Variants in FGF13 observed in about 807,000 individuals in gnomAD.
FGF13 encodes fibroblast growth factor 13.
A neutral mutation model predicts 19.5 loss-of-function variants in FGF13; 2 were observed. The observed-to-expected ratio is 0.10, with a 90% confidence interval of 0.04 to 0.32. The LOEUF (loss-of-function observed/expected upper bound fraction) is 0.32, where lower values mean the gene tolerates loss of function less well. FGF13 is among the 10% of genes least tolerant of loss of function. The probability of loss-of-function intolerance (pLI) is 1.00; values close to 1 mark genes in which losing one functional copy is unlikely to be tolerated. For missense variants in FGF13, 113 were observed against 192.7 expected (o/e 0.59, Z 2.45); for synonymous variants, 72 against 76.9 (o/e 0.94, Z 0.33).
At chrX:138,655,964 A>C (rs189520469) in intron 3 of FGF13, among the ~76,000 whole-genome samples, 226 of 111,978 alleles carry the variant, frequency 2.0e-3, no homozygotes, top group Admixed American at 5.4e-3. Flanking sequence ...TCATTCATTA[A>C]TTCAATAAAC....
intron 1 of FGF13, among the ~76,000 whole-genome samples, chrX:139,150,028 C>T (rs17002006): frequency 0.099 from 11,029 of 111,468 alleles, 1,069 homozygotes; most frequent in African/African-American, 0.3. Flanking sequence ...AACTTCCATT[C>T]TCCTACTTTA....
intron 1 of FGF13, among the ~76,000 whole-genome samples, chrX:138,735,354 G>T (rs989093908): frequency 8.9e-6 from 1 of 111,854 alleles, no homozygotes; most frequent in Non-Finnish European, 1.9e-5. Context: ...ACAAGGCGAA[G>T]TTCCTGTATC....
chrX:138,820,220 C>A (rs1323799784), intron 3 of FGF13, among the ~76,000 whole-genome samples: 1 of 112,017 alleles, frequency 8.9e-6, no homozygotes. Flanking sequence ...ATAGCAAGAA[C>A]CATTCCTGTC....
chrX:138,669,086 G>C (rs368356392), intron 3 of FGF13, among the ~76,000 whole-genome samples: 3 of 111,072 alleles, frequency 2.7e-5, no homozygotes, highest in African/African-American at 9.8e-5. Context: ...GAGACAGTCT[G>C]AAAGAGAAAC....
chrX:138,659,914 G>T (rs1280930792), intron 3 of FGF13, among the ~76,000 whole-genome samples: 1 of 110,713 alleles, frequency 9.0e-6, no homozygotes, highest in Admixed American at 9.7e-5. Flanking sequence ...GTTGGCAGGT[G>T]GGGGGCAAGG....
At chrX:138,988,231 C>T (rs1440380336) in intron 1 of FGF13, among the ~76,000 whole-genome samples, 1 of 112,309 alleles carries the variant, frequency 8.9e-6, no homozygotes, top group Non-Finnish European at 1.9e-5. Context: ...TGCTCCCTGG[C>T]TCCAACTAGC....
intron 1 of FGF13, among the ~76,000 whole-genome samples, chrX:139,025,038 T>C (rs1312250234): frequency 1.8e-5 from 2 of 110,981 alleles, no homozygotes; most frequent in Non-Finnish European, 3.8e-5. Context: ...GCCTAATAAA[T>C]GCCTCCTATC....
At chrX:138,961,709 C>T (rs1302006576) in intron 1 of FGF13, among the ~76,000 whole-genome samples, 1 of 111,647 alleles carries the variant, frequency 9.0e-6, no homozygotes, top group Non-Finnish European at 1.9e-5. Flanking sequence ...AACATCTGAT[C>T]CTTGAAAAAC....
intron 1 of FGF13, among the ~76,000 whole-genome samples, chrX:139,087,488 T>C (rs1483524314): frequency 1.8e-5 from 2 of 112,210 alleles, no homozygotes; most frequent in Admixed American, 9.4e-5. Context: ...ATTTACTCTT[T>C]GATCAGATTC....
intron 1 of FGF13, among the ~76,000 whole-genome samples, chrX:138,719,593 A>G (rs1205901760): frequency 8.9e-6 from 1 of 112,047 alleles, no homozygotes; most frequent in East Asian, 2.8e-4. Context: ...CTTTTCGTAC[A>G]GGAAAAACTG....
At chrX:139,042,987 T>C (rs2092275211) in intron 1 of FGF13, among the ~76,000 whole-genome samples, 2 of 111,082 alleles carry the variant, frequency 1.8e-5, no homozygotes, top group African/African-American at 6.6e-5. Flanking sequence ...TTCAAGAAGT[T>C]TGTGTTTAAT....
At chrX:138,758,818 T>C (rs1025299984) in intron 3 of FGF13, among the ~76,000 whole-genome samples, 1 of 112,721 alleles carries the variant, frequency 8.9e-6, no homozygotes, top group African/African-American at 3.2e-5. Context: ...TTTATGCTAA[T>C]TAAATAACAG....
At chrX:138,735,148 A>G (rs2090263278) in intron 1 of FGF13, among the ~76,000 whole-genome samples, 1 of 112,166 alleles carries the variant, frequency 8.9e-6, no homozygotes, top group Admixed American at 9.4e-5. Flanking sequence ...CTAGTATTAG[A>G]GCTGGAAAAA....
chrX:139,176,088 T>C (rs2084180686), intron 1 of FGF13, among the ~76,000 whole-genome samples: 1 of 111,836 alleles, frequency 8.9e-6, no homozygotes, highest in Non-Finnish European at 1.9e-5. Context: ...AACTTGTCAT[T>C]GGTCTATTCA....
Position 139,131,382 on chromosome X carries a change from G to GTT in FGF13, c.-113+72033_-113+72034insAA, listed in dbSNP as rs1381957075. ...TGTTGTATGGATTAGAATATAGAGGGGTGTGTGTGTGTGTGTGTGTGTGTG... is the reference window on the plus strand; with the variant it reads ...TGTTGTATGGATTAGAATATAGAGGGTTGTGTGTGTGTGTGTGTGTGTGTGTG... On this transcript the variant is annotated intron_variant, in intron 1 of 2. Transcript: ENST00000421460. Among the ~76,000 whole-genome samples, 311 of 91,446 alleles carry GTT rather than the reference G, an allele frequency of 3.4e-3. 1 individual carries two copies. Among genetic ancestry groups the GTT allele is most frequent in the African/African-American group, 0.011 (289 of 25,205 alleles). The allele number at this position is 91,446 out of a possible 115,157, so 79.4% of individuals were successfully genotyped here. A position where few individuals can be genotyped will look rare whatever the true frequency, so the allele number is the denominator to read the frequency against.
chrX:138,662,584 G>A (rs755876512), intron 3 of FGF13, among the ~76,000 whole-genome samples: 71 of 111,571 alleles, frequency 6.4e-4, no homozygotes, highest in Non-Finnish European at 8.5e-4. Context: ...CATGGCAGAC[G>A]CATAAAATGG....
rs768631295 is a variant in FGF13, at chrX:138,835,425, TG to T, written c.217+22086del. On this transcript the variant is annotated intron_variant, in intron 3 of 6. Coordinates refer to the FGF13 transcript ENST00000436198. ...TGCGATGCGGATTTTTGTTTTGTTT[TG>T]TTTTTTGATCTTCATTGGGTAAAGT... Among the ~76,000 whole-genome samples, 8 of 112,254 alleles carry T rather than the reference TG, an allele frequency of 7.1e-5. No homozygotes were observed. The South Asian group carries it at 2.9e-3, about 41-fold the overall frequency.
In FGF13 at chrX:138,632,791, A is replaced by G. The variant is rs2089133819; in HGVS notation, c.*59T>C. 8.7e-7 allele frequency: 1 copy of G among 1,150,549 alleles called. No homozygotes were observed. The highest frequency in any genetic ancestry group is 2.0e-5 in the South Asian group (1 of 49,647). 94.8% of individuals were successfully genotyped at this position (1,150,549 alleles called of 1,213,427 possible). A position where few individuals can be genotyped will look rare whatever the true frequency, so the allele number is the denominator to read the frequency against. ...CTTTTGGGTGAAGGACTGCTAGAAG[A>G]ATTCAACAGCACCTGGAGGTAAGGT... On this transcript the variant is annotated 3_prime_UTR_variant, in exon 5 of 5. Coordinates refer to ENST00000315930, the MANE Select transcript of FGF13 (RefSeq NM_004114.5).
chrX:138,978,685 T>C (rs938245147), intron 1 of FGF13, among the ~76,000 whole-genome samples: 8 of 112,245 alleles, frequency 7.1e-5, no homozygotes, highest in African/African-American at 2.6e-4. Context: ...ATTTATATAA[T>C]ATATTCAATC....
Sources: gnomAD v4.1 joint callset for allele counts (sites outside exome capture counted in the v4.1 genomes callset) on GRCh38, gnomAD v4.1.1 for gene constraint, MANE v1.5 for transcripts, NCBI Gene and HGNC (gene_info 2026-07-23, HGNC 2026-07-21) for gene names.